CEP112: variants seen among roughly 807,000 people sequenced by gnomAD.
CEP112 encodes the protein centrosomal protein 112, also known as centrosomal protein of 112 kDa.
In CEP112, 127 loss-of-function variants were observed where a neutral mutation model predicts 153.0. The ratio of observed to expected loss-of-function variants is 0.83; its 90% CI spans 0.72 to 0.96. The LOEUF (loss-of-function observed/expected upper bound fraction) is 0.96, where lower values mean the gene tolerates loss of function less well. Ranked by LOEUF, CEP112 falls within the 40% of genes least tolerant of loss-of-function variation. The pLI is 0.00. For missense variants in CEP112, 1,089 were observed against 1,101.2 expected, an observed-to-expected ratio of 0.99 and a Z score of 0.16; for synonymous variants, 358 against 374.4, an observed-to-expected ratio of 0.96 and a Z score of 0.51.
chr17:66,188,859 T>C (rs932436935), intron 1 of CEP112, among the ~76,000 whole-genome samples: 2 of 152,164 alleles, frequency 1.3e-5, no homozygotes, highest in Admixed American at 6.5e-5. Flanking sequence ...AACAAACCAA[T>C]GGAAAATCAT....
chr17:66,034,972 G>A (rs1568411126), intron 12 of CEP112, among the ~76,000 whole-genome samples: 1 of 64,692 alleles, frequency 1.5e-5, no homozygotes, highest in Non-Finnish European at 3.0e-5. Flanking sequence ...CTAAGTTTTT[G>A]CATGTATATA....
At chr17:66,123,325 C>T (rs2069685730) in intron 6 of CEP112, among the ~76,000 whole-genome samples, 1 of 152,232 alleles carries the variant, frequency 6.6e-6, no homozygotes, top group Admixed American at 6.5e-5. Flanking sequence ...CAGCATGCCC[C>T]TCCCAATACA....
intron 21 of CEP112, among the ~76,000 whole-genome samples, chr17:65,791,547 T>C (rs1285223411): frequency 6.6e-6 from 1 of 152,236 alleles, no homozygotes; most frequent in African/African-American, 2.4e-5. Flanking sequence ...TCTGCCATAT[T>C]ATCTAGTTTC....
At chr17:65,917,847 C>T (rs2060552199) in intron 19 of CEP112, among the ~76,000 whole-genome samples, 1 of 151,906 alleles carries the variant, frequency 6.6e-6, no homozygotes, top group South Asian at 2.1e-4. Flanking sequence ...TCCTTTCCAC[C>T]ATCTCCTTTT....
At chr17:66,105,467 C>G (rs2068743700) in intron 6 of CEP112, among the ~76,000 whole-genome samples, 1 of 152,044 alleles carries the variant, frequency 6.6e-6, no homozygotes, top group South Asian at 2.1e-4. Flanking sequence ...ATGAACTAAA[C>G]TCTCCAATCA....
At chr17:65,803,647 G>A (rs1735995873) in intron 21 of CEP112, among the ~76,000 whole-genome samples, 4 of 152,060 alleles carry the variant, frequency 2.6e-5, no homozygotes, top group African/African-American at 9.7e-5. Flanking sequence ...CATCTTAAAA[G>A]GTAAAACCCC....
rs193065385 is a variant in CEP112 at position 65,971,509 on chromosome 17, T to G, written c.1737-9911A>C. 1.3e-4 allele frequency among the ~76,000 whole-genome samples: 20 copies of G among 150,874 alleles called. No homozygotes were observed. In the East Asian group the frequency reaches 4.0e-3, roughly 30 times the overall value. ...ACATGAATGTCATACATATCACACATGCACATTACATGTGTATCACCTAAA... is the reference window on the plus strand; with the variant it reads ...ACATGAATGTCATACATATCACACAGGCACATTACATGTGTATCACCTAAA... On this transcript the variant is annotated intron_variant, in intron 17 of 26. Transcript: ENST00000535342.
At chr17:65,646,171 T>C (rs2045422121) in intron 24 of CEP112, among the ~76,000 whole-genome samples, 1 of 152,242 alleles carries the variant, frequency 6.6e-6, no homozygotes, top group South Asian at 2.1e-4. Context: ...GGTTGCTCTT[T>C]GATCGCCATT....
At chr17:66,012,030 T>C (rs1448356509) in intron 16 of CEP112, among the ~76,000 whole-genome samples, 2 of 152,208 alleles carry the variant, frequency 1.3e-5, no homozygotes, top group African/African-American at 2.4e-5. Context: ...TGTCTGAAAT[T>C]AGAATAGCAA....
In CEP112 at chr17:65,837,383, G is replaced by A. The variant is rs189060736; in HGVS notation, c.2394+14421C>T. Among the ~76,000 whole-genome samples, 1,211 of 151,884 alleles carry A rather than the reference G, an allele frequency of 8.0e-3. 10 individuals are homozygous for A. Among genetic ancestry groups the A allele is most frequent in the South Asian group, 0.02 (94 of 4,784 alleles). On this transcript the variant is annotated intron_variant, in intron 21 of 26. Coordinates refer to ENST00000535342, the MANE Select transcript of CEP112 (RefSeq NM_001199165.4). ...GAGCGTCTCTGCTGGGCCACCCATCGTCTGAGATGTGGGGAGCGCCTCTGC... is the reference window on the plus strand; with the variant it reads ...GAGCGTCTCTGCTGGGCCACCCATCATCTGAGATGTGGGGAGCGCCTCTGC...
chr17:65,658,592 G>C (rs2046182618), intron 24 of CEP112, among the ~76,000 whole-genome samples: 1 of 152,084 alleles, frequency 6.6e-6, no homozygotes, highest in Non-Finnish European at 1.5e-5. Context: ...TTAGTTTGAG[G>C]AGCAGAGGAA....
At chr17:65,775,359 C>T (rs565835087) in intron 21 of CEP112, among the ~76,000 whole-genome samples, 7 of 151,996 alleles carry the variant, frequency 4.6e-5, no homozygotes, top group Admixed American at 2.0e-4. Flanking sequence ...TGCCTCTGCA[C>T]GCAGGGGAAG....
At chr17:66,069,724 C>T (rs1374088224) in intron 9 of CEP112, among the ~76,000 whole-genome samples, 191 bp downstream of exon 9, 3 of 151,898 alleles carry the variant, frequency 2.0e-5, no homozygotes, top group Non-Finnish European at 4.4e-5. Flanking sequence ...ATATGTTTAG[C>T]TAATAAAGTT....
chr17:66,162,639 T>C (rs1230598228), intron 4 of CEP112, among the ~76,000 whole-genome samples: 1 of 152,154 alleles, frequency 6.6e-6, no homozygotes, highest in Non-Finnish European at 1.5e-5. Flanking sequence ...CAACATAATG[T>C]TGAGCAAAAG....
chr17:66,125,142 A>G (rs2069782963), intron 6 of CEP112, among the ~76,000 whole-genome samples: 1 of 152,194 alleles, frequency 6.6e-6, no homozygotes, highest in African/African-American at 2.4e-5. Flanking sequence ...AGATACTTCC[A>G]GATATTTTTA....
chr17:65,833,391 G>A (rs563405138), intron 21 of CEP112, among the ~76,000 whole-genome samples: 6 of 152,154 alleles, frequency 3.9e-5, no homozygotes, highest in East Asian at 1.9e-4. Flanking sequence ...AAGGACATCC[G>A]AATAAGAAAA....
chr17:65,725,810 A>T (rs145267023), intron 23 of CEP112, among the ~76,000 whole-genome samples: 1 of 152,132 alleles, frequency 6.6e-6, no homozygotes, highest in Admixed American at 6.5e-5. Context: ...CTAGAACAGT[A>T]TGGGGGAAAC....
At chr17:65,677,443 TA>T (rs1447982040) in intron 24 of CEP112, among the ~76,000 whole-genome samples, 1 of 152,244 alleles carries the variant, frequency 6.6e-6, no homozygotes, top group Middle Eastern at 3.2e-3. Flanking sequence ...TTTCTAACTA[TA>T]TATTTTTTCT....
At chr17:65,659,419 G>A (rs2046234508) in intron 24 of CEP112, among the ~76,000 whole-genome samples, 1 of 152,102 alleles carries the variant, frequency 6.6e-6, no homozygotes, top group Admixed American at 6.6e-5. Flanking sequence ...TGTTTGAGAA[G>A]GCATGTCTTG....
Sources: allele counts gnomAD v4.1 joint callset (sites outside exome capture counted in the v4.1 genomes callset), GRCh38; gene constraint gnomAD v4.1.1; transcripts MANE v1.5; gene names NCBI Gene and HGNC (gene_info 2026-07-23, HGNC 2026-07-21).